The following ABCC1 variants were observed in gnomAD, a reference collection of about 807,000 sequenced individuals.
The protein encoded by ABCC1 is ATP binding cassette subfamily C member 1 (ABCC1 blood group), also known as multidrug resistance-associated protein 1.
Under a neutral mutation model 172.9 loss-of-function variants are expected in ABCC1, and 83 were observed. That is an observed-to-expected ratio of 0.48 (90% CI 0.40 to 0.58). The LOEUF (loss-of-function observed/expected upper bound fraction) is 0.58, where lower values mean the gene tolerates loss of function less well. Among genes scored for constraint, ABCC1 ranks in the 20% least tolerant of loss-of-function variants. The pLI, the probability that ABCC1 is intolerant of heterozygous loss-of-function variation, is 0.00. For synonymous variants in ABCC1, 937 were observed against 825.2 expected (o/e 1.14, Z -2.32); for missense variants, 1,817 against 2,002.7 (o/e 0.91, Z 1.77).
At chr16:16,026,212 G>A (rs1597136081) in intron 5 of ABCC1, among the ~76,000 whole-genome samples, 2 of 151,366 alleles carry the variant, frequency 1.3e-5, no homozygotes, top group African/African-American at 2.4e-5. Context: ...TGGGTGGATC[G>A]CTTGAGGTCA....
chr16:16,022,661 C>T (rs2048233498), intron 5 of ABCC1, among the ~76,000 whole-genome samples: 1 of 152,142 alleles, frequency 6.6e-6, no homozygotes, highest in Non-Finnish European at 1.5e-5. Context: ...TGGTTTGGAA[C>T]ATTCAGTGAA....
At chr16:16,130,661 A>G (rs557341676) in intron 26 of ABCC1, among the ~76,000 whole-genome samples, 6 of 152,356 alleles carry the variant, frequency 3.9e-5, no homozygotes, top group Middle Eastern at 3.4e-3. Flanking sequence ...TTTGAAATAC[A>G]TCTATTACCT....
intron 1 of ABCC1, among the ~76,000 whole-genome samples, chr16:15,963,364 C>T (rs965435096): frequency 1.3e-5 from 2 of 152,230 alleles, no homozygotes; most frequent in African/African-American, 4.8e-5. Flanking sequence ...ATCTACCATT[C>T]TGGGTTCTGG....
At chr16:16,120,929 A>G (rs2045123940) in intron 23 of ABCC1, among the ~76,000 whole-genome samples, 2 of 152,172 alleles carry the variant, frequency 1.3e-5, no homozygotes, top group South Asian at 4.1e-4. Flanking sequence ...GAATTCTGTC[A>G]CTTAATGATA....
chr16:16,132,861 G>A (rs572222124), intron 27 of ABCC1, among the ~76,000 whole-genome samples: 1 of 152,176 alleles, frequency 6.6e-6, no homozygotes, highest in Non-Finnish European at 1.5e-5. Flanking sequence ...TGAAAAATCT[G>A]GAAGACTTAA....
chr16:16,137,247 G>A (rs2045948253), intron 29 of ABCC1, among the ~76,000 whole-genome samples: 1 of 152,188 alleles, frequency 6.6e-6, no homozygotes, highest in Non-Finnish European at 1.5e-5. Flanking sequence ...GGGCTCACAT[G>A]CATGTCTGGG....
chr16:15,992,173 A>G (rs1298717110), intron 1 of ABCC1, among the ~76,000 whole-genome samples: 1 of 151,432 alleles, frequency 6.6e-6, no homozygotes, highest in African/African-American at 2.4e-5. Flanking sequence ...ATGATCTATC[A>G]CTGTCTCCCA....
chr16:16,025,085 G>A (rs1358848619), intron 5 of ABCC1, among the ~76,000 whole-genome samples: 2 of 152,162 alleles, frequency 1.3e-5, no homozygotes, highest in Non-Finnish European at 2.9e-5. Context: ...TAGAGGAAAC[G>A]GAGGTCCTGG....
At position 16,111,559 on chromosome 16, in the gene ABCC1, A is replaced by G. The variant is rs777639281; in HGVS notation, c.3056A>G (p.Tyr1019Cys). ...CACACGAAAGTCCGGCTGAGCGTCT[A>G]TGGAGCCCTGGGCATTTCACAAGGT... ...QEHTKVRLSV[Y>C]GALGISQGIA... Residue 1019 changes from tyrosine (Y) to cysteine (C), a missense_variant, in exon 22 of 31, where the codon TAT (tyrosine) becomes TGT (cysteine). Around this residue, in one of 3 missense-constraint regions of ABCC1, gnomAD observed 1,412 missense variants for 1,600.3 expected, o/e 0.88. Coordinates refer to ENST00000399410, the MANE Select transcript of ABCC1 (RefSeq NM_004996.4). The G allele has an allele frequency of 5.5e-5, 89 of 1,613,476 alleles. No individual in the cohort carries two copies. The East Asian group carries it at 5.6e-4, about 10-fold the overall frequency.
intron 30 of ABCC1, among the ~76,000 whole-genome samples, chr16:16,138,957 G>A (rs1032677183): frequency 6.6e-5 from 10 of 152,194 alleles, no homozygotes; most frequent in Non-Finnish European, 1.0e-4. Flanking sequence ...CGATCTGCCC[G>A]CCTCCGCCTC....
rs60449468 is a variant in ABCC1 at position 16,125,739 on chromosome 16, G to GA, written c.3718-64dup. On this transcript the variant is annotated intron_variant, in intron 25 of 30. Coordinates refer to ENST00000399410, the MANE Select transcript of ABCC1 (RefSeq NM_004996.4). The stretch of plus-strand genomic sequence containing the variant: ...TAATTTGTTTCCTATTATCTCAGTG[G>GA]AAAAAAAGAAAAAGGAAAGTCAAGT... The GA allele has an allele frequency of 3.3e-4, 283 of 863,608 alleles. 3 individuals are homozygous for GA. The highest frequency in any genetic ancestry group is 4.8e-4 in the Middle Eastern group (2 of 4,170). 53.5% of individuals were successfully genotyped at this position (863,608 alleles called of 1,614,324 possible). A position where few individuals can be genotyped will look rare whatever the true frequency, so the allele number is the denominator to read the frequency against.
At chr16:16,113,077 G>A (rs1365633874) in intron 22 of ABCC1, among the ~76,000 whole-genome samples, 1 of 152,190 alleles carries the variant, frequency 6.6e-6, no homozygotes, top group Non-Finnish European at 1.5e-5. Flanking sequence ...CCTGTGGATT[G>A]TTTGAGAGAA....
intron 1 of ABCC1, among the ~76,000 whole-genome samples, chr16:15,973,839 G>A (rs919434671): frequency 1.1e-4 from 17 of 151,448 alleles, no homozygotes; most frequent in Admixed American, 4.0e-4. Context: ...AAAAAAATTA[G>A]CCCGGTATGA....
At chr16:16,052,312 G>A (rs2151903218) in intron 10 of ABCC1, among the ~76,000 whole-genome samples, 1 of 152,146 alleles carries the variant, frequency 6.6e-6, no homozygotes. Flanking sequence ...CCTGGGCAAT[G>A]TAGCAAGACC....
chr16:16,003,884 TGGTGGGTG>T (rs1474805304), intron 1 of ABCC1, among the ~76,000 whole-genome samples: 6 of 134,068 alleles, frequency 4.5e-5, no homozygotes, highest in Admixed American at 7.7e-5. Context: ...ATGAATGAAT[TGGTGGGTG>T]GGTGGATGGG....
chr16:16,060,624 C>T (rs2049870069), intron 12 of ABCC1, among the ~76,000 whole-genome samples: 1 of 151,992 alleles, frequency 6.6e-6, no homozygotes, highest in African/African-American at 2.4e-5. Flanking sequence ...CCAGTTCAAG[C>T]AATTCTCCTG....
intron 1 of ABCC1, among the ~76,000 whole-genome samples, chr16:15,967,838 C>G (rs2046281821): frequency 6.6e-6 from 1 of 151,588 alleles, no homozygotes. Flanking sequence ...ACTATCACAA[C>G]TCTGAGAACT....
intron 1 of ABCC1, among the ~76,000 whole-genome samples, chr16:15,967,158 A>G (rs1280104303): frequency 1.3e-5 from 2 of 152,082 alleles, no homozygotes; most frequent in East Asian, 3.9e-4. Context: ...CACCCTCTAT[A>G]TTCTCCAAAG....
chr16:16,035,000 G>C (rs539479627), intron 6 of ABCC1, among the ~76,000 whole-genome samples: 3 of 152,306 alleles, frequency 2.0e-5, no homozygotes, highest in African/African-American at 7.2e-5. Flanking sequence ...GTGGCAACGT[G>C]TTAACAATGG....
Sources: gnomAD v4.1 joint callset for allele counts (sites outside exome capture counted in the v4.1 genomes callset) on GRCh38, gnomAD v4.1.1 for gene constraint, gnomAD v4.1.1 regional missense constraint, MANE v1.5 for transcripts, NCBI Gene and HGNC (gene_info 2026-07-23, HGNC 2026-07-21) for gene names.